The following CACNG5 variants were observed in gnomAD, a reference collection of about 807,000 sequenced individuals.
CACNG5 encodes the protein calcium voltage-gated channel auxiliary subunit gamma 5, also known as voltage-dependent calcium channel gamma-5 subunit.
A neutral mutation model predicts 24.8 loss-of-function variants in CACNG5; 18 were observed. The ratio of observed to expected loss-of-function variants is 0.73; its 90% CI spans 0.50 to 1.08. CACNG5 has a LOEUF of 1.08. Ranked by LOEUF, CACNG5 falls within the 50% of genes least tolerant of loss-of-function variation. CACNG5 has a pLI of 0.00. For missense variants in CACNG5, 349 were observed against 367.9 expected, an observed-to-expected ratio of 0.95 and a Z score of 0.42; for synonymous variants, 157 against 149.1, an observed-to-expected ratio of 1.05 and a Z score of -0.39.
Position 66,879,204 on chromosome 17 carries a change from C to T in CACNG5, c.283+146C>T, listed in dbSNP as rs1011207452. The stretch of plus-strand genomic sequence containing the variant: ...GCTGTCCTGTTAATTAGAGATGATC[C>T]ACTAGAGCTTAATTTTCCAGTAGTG... On this transcript the variant is annotated intron_variant, in intron 3 of 5. Transcript: ENST00000533854. The T allele has an allele frequency of 8.9e-6, 5 of 563,984 alleles. No individual in the cohort carries two copies. The East Asian group carries it at 1.2e-4, about 13-fold the overall frequency. 34.9% of individuals were successfully genotyped at this position (563,984 alleles called of 1,614,324 possible).
Position 66,888,001 on chromosome 17 carries a change from AG to A in CACNG5, c.*2764del, listed in dbSNP as rs1352288285. On this transcript the variant is annotated 3_prime_UTR_variant, in exon 6 of 6. Transcript: ENST00000533854. ...AAACTCAACTCAGAAATCATAAATT[AG>A]GGTCTCTTCTTCAATATACATTCTG... is the stretch of plus-strand genomic sequence containing the variant. Among the ~76,000 whole-genome samples the A allele has an allele frequency of 6.6e-6, 1 of 152,154 alleles. No homozygotes were observed. The highest frequency in any genetic ancestry group is 1.5e-5 in the Non-Finnish European group (1 of 68,028).
chr17:66,853,460 C>A (rs1976732240), intron 1 of CACNG5, among the ~76,000 whole-genome samples: 2 of 152,162 alleles, frequency 1.3e-5, no homozygotes, highest in Admixed American at 1.3e-4. Flanking sequence ...GCATTTCTAC[C>A]AGCAACATAT....
chr17:66,837,889 GC>G (rs1245572855), intron 1 of CACNG5, among the ~76,000 whole-genome samples: 2 of 151,900 alleles, frequency 1.3e-5, no homozygotes, highest in Non-Finnish European at 2.9e-5. Context: ...GGGGGAAGGG[GC>G]AGGCCTCAGG....
chr17:66,837,399 C>T (rs1398587647), intron 1 of CACNG5, among the ~76,000 whole-genome samples: 1 of 152,238 alleles, frequency 6.6e-6, no homozygotes, highest in East Asian at 1.9e-4. Flanking sequence ...CTTCTGTCCC[C>T]AGCTTCTGCC....
chr17:66,839,054 C>A (rs548193858), intron 1 of CACNG5, among the ~76,000 whole-genome samples: 1 of 150,216 alleles, frequency 6.7e-6, no homozygotes, highest in Non-Finnish European at 1.5e-5. Flanking sequence ...CTCCGCCTCC[C>A]GGGTTCAAGC....
intron 1 of CACNG5, among the ~76,000 whole-genome samples, chr17:66,870,553 G>A (rs899488194): frequency 5.9e-5 from 9 of 152,224 alleles, no homozygotes; most frequent in African/African-American, 1.9e-4. Context: ...CCATAGGGCC[G>A]AGGTGGAGAA....
chr17:66,844,350 A>C (rs1725889055), intron 1 of CACNG5, among the ~76,000 whole-genome samples: 3 of 152,214 alleles, frequency 2.0e-5, no homozygotes, highest in Non-Finnish European at 4.4e-5. Flanking sequence ...TTGGAGCTCA[A>C]CTGTTCCATG....
chr17:66,870,083 C>CA (rs1207725147), intron 1 of CACNG5, among the ~76,000 whole-genome samples: 182 of 136,566 alleles, frequency 1.3e-3, no homozygotes, highest in African/African-American at 3.7e-3. Flanking sequence ...AACTCCGTCT[C>CA]AAAAAAAAAA....
intron 1 of CACNG5, among the ~76,000 whole-genome samples, chr17:66,842,733 T>A (rs1976585245): frequency 6.6e-6 from 1 of 152,212 alleles, no homozygotes; most frequent in South Asian, 2.1e-4. Flanking sequence ...GGCAGCCTGA[T>A]GGACCTTAAA....
chr17:66,893,983 G>A lies in CACNG5; in HGVS notation c.*8743G>A, dbSNP rs1293894094. Among the ~76,000 whole-genome samples, 1 of 152,136 alleles carries A rather than the reference G, an allele frequency of 6.6e-6. No individual in the cohort carries two copies. The highest frequency in any genetic ancestry group is 1.5e-5 in the Non-Finnish European group (1 of 68,038). On this transcript the variant is annotated 3_prime_UTR_variant, in exon 6 of 6. Transcript: ENST00000533854. ...ATTCAGTGTTCCCCAGGGTTGCATG[G>A]GAATCCAATGGGGAGGGGATGGCAG...
chr17:66,862,211 T>C (rs1395254644), intron 1 of CACNG5, among the ~76,000 whole-genome samples: 1 of 152,156 alleles, frequency 6.6e-6, no homozygotes, highest in Non-Finnish European at 1.5e-5. Context: ...CTCATCTCTA[T>C]GTTGTTGGAA....
intron 1 of CACNG5, among the ~76,000 whole-genome samples, chr17:66,862,439 A>ATG (rs1244343886): frequency 5.9e-5 from 9 of 151,784 alleles, no homozygotes; most frequent in South Asian, 2.1e-4. Context: ...CTCTCTGTAT[A>ATG]TGTGTGTGTG....
intron 3 of CACNG5, among the ~76,000 whole-genome samples, chr17:66,879,906 C>A (rs1161493508): frequency 6.6e-6 from 1 of 152,124 alleles, no homozygotes; most frequent in Non-Finnish European, 1.5e-5. Context: ...TGGCTCAAAA[C>A]CCCAATCTTC....
chr17:66,839,707 G>A (rs192596831), intron 1 of CACNG5, among the ~76,000 whole-genome samples: 6 of 152,148 alleles, frequency 3.9e-5, no homozygotes, highest in East Asian at 1.9e-4. Context: ...CAGTGTGGGA[G>A]CAGCTGGGTG....
intron 1 of CACNG5, among the ~76,000 whole-genome samples, chr17:66,844,897 G>A (rs918228543): frequency 2.6e-5 from 4 of 152,152 alleles, no homozygotes; most frequent in African/African-American, 4.8e-5. Flanking sequence ...TGTGAAAGGC[G>A]AATGTAACCA....
In CACNG5 at chr17:66,888,620, G is replaced by A. The variant is rs1032005360; in HGVS notation, c.*3380G>A. On this transcript the variant is annotated 3_prime_UTR_variant, in exon 6 of 6. Coordinates refer to ENST00000533854, the MANE Select transcript of CACNG5 (RefSeq NM_145811.3). ...AAAGTGGCTCAATAGTCAAAGACAG[G>A]TTTATTTTGGAGAATAAACCTGAGA... Among the ~76,000 whole-genome samples, 2 of 151,546 alleles carry A rather than the reference G, an allele frequency of 1.3e-5. No individual in the cohort carries two copies. The highest frequency in any genetic ancestry group is 2.9e-5 in the Non-Finnish European group (2 of 67,898).
chr17:66,845,807 A>T (rs1976632631), intron 1 of CACNG5, among the ~76,000 whole-genome samples: 1 of 152,166 alleles, frequency 6.6e-6, no homozygotes, highest in African/African-American at 2.4e-5. Context: ...CCCCAGTGCT[A>T]ATCACAGACC....
chr17:66,889,974 A>T lies in CACNG5; in HGVS notation c.*4734A>T, dbSNP rs1977319217. 6.6e-6 allele frequency among the ~76,000 whole-genome samples: 1 copy of T among 152,180 alleles called. No individual in the cohort carries two copies. On this transcript the variant is annotated 3_prime_UTR_variant, in exon 6 of 6. Coordinates refer to ENST00000533854, the MANE Select transcript of CACNG5 (RefSeq NM_145811.3). ...CCACCTAAGGCCTGAGCAAATTGGC[A>T]CCTGGGCTCTGTTCCTTCACCAGCT...
chr17:66,850,397 T>C (rs1976697520), intron 1 of CACNG5, among the ~76,000 whole-genome samples: 1 of 152,020 alleles, frequency 6.6e-6, no homozygotes, highest in Admixed American at 6.5e-5. Context: ...AAATAGAACA[T>C]TGCAAAAGCC....
Sources: allele counts gnomAD v4.1 joint callset (sites outside exome capture counted in the v4.1 genomes callset), GRCh38; gene constraint gnomAD v4.1.1; transcripts MANE v1.5; gene names NCBI Gene and HGNC (gene_info 2026-07-23, HGNC 2026-07-21).